Variants in IQCM observed in about 807,000 individuals in gnomAD.
IQCM encodes the protein IQ motif containing M.
IQCM carries 45 observed loss-of-function variants against 57.6 expected under a neutral mutation model. The ratio of observed to expected loss-of-function variants is 0.78; its 90% CI spans 0.62 to 1.00. IQCM has a LOEUF of 1.00. Among genes scored for constraint, IQCM ranks in the 50% least tolerant of loss-of-function variants. IQCM has a pLI of 0.00. For missense variants in IQCM, 468 were observed against 511.6 expected (o/e 0.91, Z 0.82); for synonymous variants, 148 against 158.9 (o/e 0.93, Z 0.51).
intron 13 of IQCM, among the ~76,000 whole-genome samples, chr4:149,381,552 C>A (rs1238812739): frequency 6.6e-6 from 1 of 152,102 alleles, no homozygotes; most frequent in Non-Finnish European, 1.5e-5. Context: ...TTGCTGTTCA[C>A]TCCACTTCTT....
intron 7 of IQCM, among the ~76,000 whole-genome samples, chr4:149,677,885 G>A (rs891785166): frequency 1.3e-5 from 2 of 151,730 alleles, no homozygotes; most frequent in Non-Finnish European, 2.9e-5. Context: ...AAATATATTT[G>A]CTGAACTGAA....
At position 149,563,602 on chromosome 4, in the gene IQCM, G is replaced by A. The variant is rs1313527324; in HGVS notation, c.948+90C>T. Reference sequence around the variant, plus strand: ...ACTCTATCTCCAAAAAAAAAAGTATGTACATTGACCAGATGACTATTCAAA... The same window carrying A: ...ACTCTATCTCCAAAAAAAAAAGTATATACATTGACCAGATGACTATTCAAA... On this transcript the variant is annotated intron_variant, in intron 10 of 13. Transcript: ENST00000636793. 5.7e-6 allele frequency: 5 copies of A among 877,294 alleles called. No individual in the cohort carries two copies. In the African/African-American group the frequency reaches 8.8e-5, roughly 15 times the overall value. 54.3% of individuals were successfully genotyped at this position (877,294 alleles called of 1,614,324 possible).
chr4:149,561,500 C>G (rs1478927560), intron 10 of IQCM, among the ~76,000 whole-genome samples: 3 of 152,110 alleles, frequency 2.0e-5, no homozygotes, highest in Non-Finnish European at 2.9e-5. Flanking sequence ...GGAGTGCCTA[C>G]ATATAATCAA....
chr4:149,355,858 C>T (rs529800574), intron 13 of IQCM, among the ~76,000 whole-genome samples: 2 of 152,148 alleles, frequency 1.3e-5, no homozygotes, highest in African/African-American at 4.8e-5. Flanking sequence ...ACAGTCCCAC[C>T]AACAGTGTAA....
chr4:149,358,882 A>AGTATATCAGGATATACTCT, intron 13 of IQCM, among the ~76,000 whole-genome samples: 1 of 151,468 alleles, frequency 6.6e-6, no homozygotes, highest in African/African-American at 2.4e-5. Flanking sequence ...ATATCATGAG[A>AGTATATCAGGATATACTCT]CCACAGTGGA....
intron 5 of IQCM, among the ~76,000 whole-genome samples, chr4:149,695,797 T>A (rs1763290856): frequency 6.6e-6 from 1 of 151,964 alleles, no homozygotes. Context: ...ATAGACAAGA[T>A]TTTGGGTGGC....
chr4:149,585,562 T>A (rs540726572), intron 9 of IQCM, among the ~76,000 whole-genome samples: 73 of 151,780 alleles, frequency 4.8e-4, no homozygotes, highest in African/African-American at 1.6e-3. Flanking sequence ...ATTTTCACAT[T>A]CAATTTCACT....
At chr4:149,354,934 A>C (rs1429945113) in intron 13 of IQCM, among the ~76,000 whole-genome samples, 1 of 152,182 alleles carries the variant, frequency 6.6e-6, no homozygotes, top group East Asian at 1.9e-4. Context: ...GTGAGAGTAC[A>C]TGGGAACACT....
chr4:149,720,395 C>T (rs1057148438), intron 5 of IQCM, among the ~76,000 whole-genome samples: 1 of 152,088 alleles, frequency 6.6e-6, no homozygotes. Context: ...ATTTAAGATG[C>T]TATTAACTTC....
chr4:149,362,531 T>C (rs189270127), intron 13 of IQCM, among the ~76,000 whole-genome samples: 1 of 152,310 alleles, frequency 6.6e-6, no homozygotes, highest in Non-Finnish European at 1.5e-5. Context: ...TGAGATCTGA[T>C]GGTTATACCA....
Position 149,788,741 on chromosome 4 carries a change from A to C in IQCM, c.-49+26570T>G, listed in dbSNP as rs143581373. Among the ~76,000 whole-genome samples the C allele has an allele frequency of 4.6e-5, 7 of 152,364 alleles. No homozygotes were observed. In the East Asian group the frequency reaches 1.3e-3, roughly 29 times the overall value. Reference sequence around the variant, plus strand: ...TCACAATAACTAAGACAAAGAATCAACCTAAGTGTCCATCAGTGGATGAAT... The same window carrying C: ...TCACAATAACTAAGACAAAGAATCACCCTAAGTGTCCATCAGTGGATGAAT... On this transcript the variant is annotated intron_variant, in intron 2 of 13. Transcript: ENST00000636793.
intron 7 of IQCM, among the ~76,000 whole-genome samples, chr4:149,681,802 G>T (rs1173419835): frequency 6.6e-6 from 1 of 151,086 alleles, no homozygotes; most frequent in Non-Finnish European, 1.5e-5. Flanking sequence ...CTCTTTTAAA[G>T]AATTGTATGT....
intron 2 of IQCM, among the ~76,000 whole-genome samples, chr4:149,802,151 T>C (rs575207965): frequency 2.0e-5 from 3 of 152,008 alleles, no homozygotes; most frequent in East Asian, 1.9e-4. Context: ...GTAAAAGTCA[T>C]GTTTCCCAAA....
At chr4:149,481,701 G>GTTTTGT (rs1740817619) in intron 12 of IQCM, among the ~76,000 whole-genome samples, 1 of 51,552 alleles carries the variant, frequency 1.9e-5, no homozygotes, top group African/African-American at 7.6e-5. Context: ...TTCCAGTTTT[G>GTTTTGT]TTTTTTTTTT....
chr4:149,511,524 T>C (rs1468866237), intron 12 of IQCM, among the ~76,000 whole-genome samples: 1 of 125,808 alleles, frequency 7.9e-6, no homozygotes, highest in East Asian at 2.2e-4. Context: ...TGAGACCCTG[T>C]CTCTAAATAA....
Position 149,689,725 on chromosome 4 carries a change from T to G in IQCM, c.386-3257A>C, listed in dbSNP as rs564089862. 3.3e-5 allele frequency among the ~76,000 whole-genome samples: 5 copies of G among 151,212 alleles called. No homozygotes were observed. The East Asian group carries it at 9.8e-4, about 30-fold the overall frequency. ...AGAATCTGCAACAAACTCAAACAAA[T>G]CAATAAGAAAAAAATACAAAATCCC... On this transcript the variant is annotated intron_variant, in intron 5 of 13. Transcript: ENST00000636793.
chr4:149,511,211 A>C (rs1200224631), intron 12 of IQCM, among the ~76,000 whole-genome samples: 1 of 152,032 alleles, frequency 6.6e-6, no homozygotes, highest in East Asian at 1.9e-4. Context: ...ACCAACTTAC[A>C]TATCACTTTT....
At chr4:149,750,924 A>G (rs2149934013) in intron 2 of IQCM, among the ~76,000 whole-genome samples, 1 of 152,320 alleles carries the variant, frequency 6.6e-6, no homozygotes, top group African/African-American at 2.4e-5. Context: ...CAAAATCTAG[A>G]AATTTGAGCA....
chr4:149,687,189 C>G (rs192356701), intron 5 of IQCM, among the ~76,000 whole-genome samples: 107 of 151,666 alleles, frequency 7.1e-4, no homozygotes, highest in African/African-American at 2.5e-3. Context: ...TAGAAAATTA[C>G]AGGCTAGATG....
Sources: allele counts gnomAD v4.1 joint callset (sites outside exome capture counted in the v4.1 genomes callset), GRCh38; gene constraint gnomAD v4.1.1; transcripts MANE v1.5; gene names NCBI Gene and HGNC (gene_info 2026-07-23, HGNC 2026-07-21).